The following PIK3C2G variants were observed in gnomAD, a reference collection of about 807,000 sequenced individuals.
PIK3C2G encodes phosphatidylinositol-4-phosphate 3-kinase catalytic subunit type 2 gamma, also known as phosphatidylinositol 3-kinase C2 domain-containing subunit gamma.
A neutral mutation model predicts 181.1 loss-of-function variants in PIK3C2G; 168 were observed. The observed-to-expected ratio is 0.93, with a 90% CI of 0.82 to 1.05. PIK3C2G has a LOEUF of 1.05. Ranked by LOEUF, PIK3C2G falls within the 50% of genes least tolerant of loss-of-function variation. The probability of loss-of-function intolerance (pLI) is 0.00; values close to 1 mark genes in which losing one functional copy is unlikely to be tolerated. For synonymous variants in PIK3C2G, 573 were observed against 592.2 expected (o/e 0.97, Z 0.47); for missense variants, 1,869 against 1,732.8 (o/e 1.08, Z -1.40).
intron 18 of PIK3C2G, among the ~76,000 whole-genome samples, chr12:18,441,936 T>C (rs934281033): frequency 7.2e-5 from 11 of 152,170 alleles, no homozygotes; most frequent in African/African-American, 2.4e-4. Context: ...CCTACGTCTA[T>C]CTGTGTATTT....
At chr12:18,708,623 C>A in the PIK3C2G span, among the ~76,000 whole-genome samples, 1 of 152,134 alleles carries the variant, frequency 6.6e-6, no homozygotes, top group East Asian at 1.9e-4. Flanking sequence ...ACATTTCCAT[C>A]ATCAGTGTAC....
At chr12:18,243,194 C>CTGTGTGTGTGTG (rs71440357), upstream of PIK3C2G, among the ~76,000 whole-genome samples, 39 of 148,324 alleles carry the variant, frequency 2.6e-4, no homozygotes, top group African/African-American at 9.1e-4. Flanking sequence ...TAAAGTCTTT[C>CTGTGTGTGTGTG]TGTGTGTGTG....
chr12:18,314,932 T>C (rs1331464038), intron 6 of PIK3C2G, among the ~76,000 whole-genome samples: 1 of 152,242 alleles, frequency 6.6e-6, no homozygotes, highest in Admixed American at 6.5e-5. Context: ...ATGACTGTGC[T>C]TTGACGATAC....
At chr12:18,447,219 A>G (rs557510105) in intron 18 of PIK3C2G, among the ~76,000 whole-genome samples, 42 of 152,314 alleles carry the variant, frequency 2.8e-4, no homozygotes, top group Non-Finnish European at 5.1e-4. Flanking sequence ...CAGTTCCACA[A>G]TATGCAGCAA....
the PIK3C2G span, among the ~76,000 whole-genome samples, chr12:18,708,208 G>T: frequency 6.6e-6 from 1 of 151,970 alleles, no homozygotes; most frequent in Non-Finnish European, 1.5e-5. Flanking sequence ...ACCACTGTTT[G>T]GTTATCTATC....
intron 5 of PIK3C2G, among the ~76,000 whole-genome samples, chr12:18,308,096 G>A (rs746217814): frequency 1.4e-4 from 21 of 151,594 alleles, no homozygotes; most frequent in African/African-American, 2.4e-5. Flanking sequence ...TTCACTAACC[G>A]CTATACTAGA....
At chr12:18,384,814 C>A (rs945484171) in intron 14 of PIK3C2G, among the ~76,000 whole-genome samples, 1 of 152,004 alleles carries the variant, frequency 6.6e-6, no homozygotes, top group Non-Finnish European at 1.5e-5. Flanking sequence ...CCACAGTATG[C>A]GAAAGTTAAA....
chr12:18,442,677 G>A (rs1018638059), intron 18 of PIK3C2G, among the ~76,000 whole-genome samples: 1 of 152,108 alleles, frequency 6.6e-6, no homozygotes, highest in Admixed American at 6.5e-5. Context: ...AAGGATGAAT[G>A]TGAAAAAGAG....
chr12:18,283,184 G>A (rs1046960467), intron 2 of PIK3C2G, among the ~76,000 whole-genome samples: 2 of 151,964 alleles, frequency 1.3e-5, no homozygotes, highest in Admixed American at 1.3e-4. Context: ...TTATTGGTAG[G>A]AAAAAATGCC....
chr12:18,535,573 C>A (rs1434009337), intron 24 of PIK3C2G, among the ~76,000 whole-genome samples: 2 of 151,940 alleles, frequency 1.3e-5, no homozygotes, highest in Non-Finnish European at 2.9e-5. Context: ...CATCATAATT[C>A]TCCTTATTGA....
At chr12:18,702,463 A>C in the PIK3C2G span, among the ~76,000 whole-genome samples, 1 of 152,148 alleles carries the variant, frequency 6.6e-6, no homozygotes, top group African/African-American at 2.4e-5. Flanking sequence ...GCTCTGTTAT[A>C]TACAATGCTG....
At chr12:18,425,917 C>T (rs1415634101) in intron 18 of PIK3C2G, among the ~76,000 whole-genome samples, 2 of 152,128 alleles carry the variant, frequency 1.3e-5, no homozygotes, top group South Asian at 2.1e-4. Flanking sequence ...ATATTTTGTA[C>T]TCACAGAGAA....
At chr12:18,674,633 A>T in the PIK3C2G span, among the ~76,000 whole-genome samples, 78 of 152,350 alleles carry the variant, frequency 5.1e-4, no homozygotes, top group African/African-American at 1.8e-3. Context: ...GCATTATAGT[A>T]GATGAAACAT....
the PIK3C2G span, among the ~76,000 whole-genome samples, chr12:18,679,797 G>C: frequency 3.3e-5 from 5 of 151,902 alleles, no homozygotes; most frequent in Non-Finnish European, 5.9e-5. Context: ...AGTAGAAAAA[G>C]GGCACTTATC....
the PIK3C2G span, among the ~76,000 whole-genome samples, chr12:18,656,469 G>C: frequency 1.3e-5 from 2 of 152,164 alleles, no homozygotes; most frequent in East Asian, 3.9e-4. Flanking sequence ...GGAAGGCTGA[G>C]GCAGAGAATT....
chr12:18,444,316 T>C (rs1357205483), intron 18 of PIK3C2G, among the ~76,000 whole-genome samples: 1 of 152,212 alleles, frequency 6.6e-6, no homozygotes. Context: ...CCAACTCTGC[T>C]GAAATCCTGT....
chr12:18,594,259 C>T (rs1947235797), intron 29 of PIK3C2G, among the ~76,000 whole-genome samples: 1 of 152,054 alleles, frequency 6.6e-6, no homozygotes. Context: ...CACACTTGAA[C>T]CTCTTGAAGA....
intron 11 of PIK3C2G, among the ~76,000 whole-genome samples, chr12:18,352,624 C>G (rs1940325352): frequency 6.6e-6 from 1 of 152,178 alleles, no homozygotes; most frequent in South Asian, 2.1e-4. Flanking sequence ...GCATCGCGAG[C>G]TGTTGTTCGG....
At chr12:18,712,884 C>T in the PIK3C2G span, 10 of 1,613,780 alleles carry the variant, frequency 6.2e-6, no homozygotes, top group Non-Finnish European at 8.5e-6. Context: ...CAGTTTTAAA[C>T]AGAAGTTTGC....
Sources: allele counts gnomAD v4.1 joint callset (sites outside exome capture counted in the v4.1 genomes callset), GRCh38; gene constraint gnomAD v4.1.1; transcripts MANE v1.5; gene names NCBI Gene and HGNC (gene_info 2026-07-23, HGNC 2026-07-21).